Variants in UTS2B observed in about 807,000 individuals in gnomAD.
UTS2B encodes the protein urotensin 2B, also known as urotensin-2B.
UTS2B carries 21 observed loss-of-function variants against 19.2 expected under a neutral mutation model. The observed-to-expected ratio is 1.09, with a 90% confidence interval of 0.78 to 1.58. The LOEUF is 1.58. Ranked by LOEUF, UTS2B falls within the 40% of genes most tolerant of loss-of-function variation. The pLI, the probability that UTS2B is intolerant of heterozygous loss-of-function variation, is 0.00. For synonymous variants in UTS2B, 57 were observed against 50.2 expected, an observed-to-expected ratio of 1.14 and a Z score of -0.58; for missense variants, 138 against 130.3, an observed-to-expected ratio of 1.06 and a Z score of -0.29.
At chr3:191,307,530 G>A (rs909803865) in intron 3 of UTS2B, among the ~76,000 whole-genome samples, 3 of 152,194 alleles carry the variant, frequency 2.0e-5, no homozygotes, top group African/African-American at 4.8e-5. Context: ...GTCGATTGCC[G>A]AGTCCTGCAG....
At chr3:191,284,016 T>C (rs1406273136) in intron 4 of UTS2B, among the ~76,000 whole-genome samples, 1 of 152,160 alleles carries the variant, frequency 6.6e-6, no homozygotes, top group Admixed American at 6.5e-5. Context: ...AAAGATTGTA[T>C]AATTACAAGT....
chr3:191,297,635 G>A lies in UTS2B; in HGVS notation c.-125+6857C>T, dbSNP rs910126174. Among the ~76,000 whole-genome samples, 3 of 143,900 alleles carry A rather than the reference G, an allele frequency of 2.1e-5. No individual in the cohort carries two copies. In the East Asian group the frequency reaches 6.2e-4, roughly 30 times the overall value. 94.4% of individuals were successfully genotyped at this position (143,900 alleles called of 152,430 possible). ...GTAGGTCTCCCTCTAAATTCTGGGT[G>A]GCCTGAGGACAAGGATAGTAATGCC... On this transcript the variant is annotated intron_variant, in intron 4 of 8. Transcript: ENST00000340524.
chr3:191,306,631 A>ATTTTG (rs1026763551), intron 3 of UTS2B, among the ~76,000 whole-genome samples: 7 of 152,028 alleles, frequency 4.6e-5, no homozygotes, highest in East Asian at 3.9e-4. Flanking sequence ...ACTAGGGGAA[A>ATTTTG]TTTTGTTTTG....
intron 1 of UTS2B, chr3:191,329,077 C>T (rs1387700353): frequency 2.6e-5 from 4 of 152,778 alleles, no homozygotes; most frequent in South Asian, 2.1e-4. Flanking sequence ...CTGACTACAC[C>T]GCTCACGGGA....
chr3:191,341,882 C>A, the UTS2B span, among the ~76,000 whole-genome samples: 1 of 152,118 alleles, frequency 6.6e-6, no homozygotes, highest in African/African-American at 2.4e-5. Flanking sequence ...TGTGCGGTCA[C>A]CTTATTCTGT....
the UTS2B span, among the ~76,000 whole-genome samples, chr3:191,335,653 A>G: frequency 6.6e-6 from 1 of 152,082 alleles, no homozygotes; most frequent in Non-Finnish European, 1.5e-5. Flanking sequence ...TGTGCATAGG[A>G]TAGTTTTTAG....
At chr3:191,322,961 G>A (rs1717647277) in intron 2 of UTS2B, among the ~76,000 whole-genome samples, 1 of 152,096 alleles carries the variant, frequency 6.6e-6, no homozygotes, top group Non-Finnish European at 1.5e-5. Context: ...ACAGAAGAAA[G>A]CCCCACAGAC....
chr3:191,327,794 C>T (rs1717787424), intron 2 of UTS2B, among the ~76,000 whole-genome samples: 1 of 152,108 alleles, frequency 6.6e-6, no homozygotes, highest in South Asian at 2.1e-4. Flanking sequence ...GAAAATACTG[C>T]TGTTATAAAT....
intron 4 of UTS2B, among the ~76,000 whole-genome samples, chr3:191,286,183 G>A (rs1183354811): frequency 1.3e-5 from 2 of 152,090 alleles, no homozygotes; most frequent in Non-Finnish European, 2.9e-5. Context: ...AGTAATAGTA[G>A]GTGATTTCAA....
chr3:191,323,600 G>A (rs997352727), intron 2 of UTS2B, among the ~76,000 whole-genome samples: 9 of 152,208 alleles, frequency 5.9e-5, no homozygotes, highest in African/African-American at 2.2e-4. Context: ...AGGGCAATAT[G>A]TAGAGTTTAT....
At chr3:191,332,858 C>T (rs1021258090), upstream of UTS2B, among the ~76,000 whole-genome samples, 9 of 152,176 alleles carry the variant, frequency 5.9e-5, no homozygotes, top group Non-Finnish European at 1.0e-4. Context: ...CCATTTAGCC[C>T]TCTCTAACCA....
At chr3:191,280,582 A>T (rs1560134175) in intron 5 of UTS2B, among the ~76,000 whole-genome samples, 1 of 152,178 alleles carries the variant, frequency 6.6e-6, no homozygotes, top group Non-Finnish European at 1.5e-5. Context: ...TTATTTACAT[A>T]TAATAAAACT....
Position 191,267,282 on chromosome 3 carries a change from A to G in UTS2B, c.*1134T>C, listed in dbSNP as rs1283247208. ...CAATAGATACAGCATTTTCAACTCT[A>G]GCTCTACAAAACCATTTTGATAGTG... On this transcript the variant is annotated 3_prime_UTR_variant, in exon 9 of 9. Coordinates refer to ENST00000340524, the MANE Select transcript of UTS2B (RefSeq NM_198152.5). The G allele has an allele frequency of 6.6e-6, 1 of 152,268 alleles. No homozygotes were observed. The highest frequency in any genetic ancestry group is 1.5e-5 in the Non-Finnish European group (1 of 68,054). The allele number at this position is 152,268 out of a possible 1,614,324, so 9.4% of individuals were successfully genotyped here.
intron 2 of UTS2B, among the ~76,000 whole-genome samples, chr3:191,321,563 T>C (rs1717611559): frequency 1.3e-5 from 2 of 152,188 alleles, no homozygotes; most frequent in African/African-American, 4.8e-5. Context: ...TCCAAAATAA[T>C]GTCTGTGTTT....
intron 1 of UTS2B, chr3:191,329,756 C>G: frequency 6.3e-7 from 1 of 1,597,412 alleles, no homozygotes; most frequent in Non-Finnish European, 8.5e-7. Flanking sequence ...GCGCGGGACC[C>G]TCCCCTCTCC....
intron 8 of UTS2B, 135 bp from the exon 9 acceptor site, chr3:191,268,576 C>A: frequency 1.8e-6 from 1 of 569,774 alleles, no homozygotes; most frequent in Non-Finnish European, 3.1e-6. Flanking sequence ...AGCTACTAGC[C>A]TCATGTGGAT....
intron 2 of UTS2B, among the ~76,000 whole-genome samples, chr3:191,317,869 C>G (rs772975137): frequency 6.6e-6 from 1 of 152,168 alleles, no homozygotes; most frequent in Non-Finnish European, 1.5e-5. Context: ...CATGAGCCAT[C>G]GCACCCGGCC....
chr3:191,276,519 G>T (rs763365057), intron 7 of UTS2B, among the ~76,000 whole-genome samples: 1 of 152,168 alleles, frequency 6.6e-6, no homozygotes, highest in African/African-American at 2.4e-5. Context: ...TTTCAGTCTA[G>T]AGAATTTGTT....
rs747137528 is a variant in UTS2B at position 191,282,213 on chromosome 3, G to T, written c.-24C>A. 2.6e-6 allele frequency: 4 copies of T among 1,557,682 alleles called. No individual in the cohort carries two copies. Among genetic ancestry groups the T allele is most frequent in the Non-Finnish European group, 2.6e-6 (3 of 1,137,350 alleles). ...ATGTTAAAAAAAACCTTCTGGACTA[G>T]CAAAGAAACAGACTTTCCAGGTCAA... On this transcript the variant is annotated 5_prime_UTR_variant, in exon 5 of 9. Transcript: ENST00000340524.
Sources: allele counts gnomAD v4.1 joint callset (sites outside exome capture counted in the v4.1 genomes callset), GRCh38; gene constraint gnomAD v4.1.1; transcripts MANE v1.5; gene names NCBI Gene and HGNC (gene_info 2026-07-23, HGNC 2026-07-21).